The following ETF1 variants were observed in gnomAD, a reference collection of about 807,000 sequenced individuals.
ETF1 encodes eukaryotic peptide chain release factor subunit 1.
In ETF1, 4 loss-of-function variants were observed where a neutral mutation model predicts 55.1. The ratio of observed to expected loss-of-function variants is 0.07; its 90% confidence interval spans 0.04 to 0.17. The LOEUF (loss-of-function observed/expected upper bound fraction) is 0.17. Among genes scored for constraint, ETF1 ranks in the 10% least tolerant of loss-of-function variants. The probability of loss-of-function intolerance (pLI) is 1.00; values close to 1 mark genes in which losing one functional copy is unlikely to be tolerated. For synonymous variants in ETF1, 157 were observed against 182.3 expected, an observed-to-expected ratio of 0.86 and a Z score of 1.12; for missense variants, 142 against 523.6, an observed-to-expected ratio of 0.27 and a Z score of 7.11.
intron 2 of ETF1, among the ~76,000 whole-genome samples, chr5:138,533,307 T>C (rs1272694472): frequency 6.6e-6 from 1 of 151,972 alleles, no homozygotes; most frequent in Non-Finnish European, 1.5e-5. Flanking sequence ...GAAAAATGAA[T>C]AAATGGCCAA....
intron 4 of ETF1, among the ~76,000 whole-genome samples, chr5:138,514,384 T>C (rs1470123752): frequency 6.6e-6 from 1 of 151,994 alleles, no homozygotes; most frequent in African/African-American, 2.4e-5. Context: ...CGAAACACTG[T>C]CTCTACAAAA....
At position 138,511,138 on chromosome 5, in the gene ETF1, G is replaced by A. The variant is rs1764757430; in HGVS notation, c.925C>T (p.Leu309=). 1.2e-6 allele frequency: 2 copies of A among 1,613,906 alleles called. No homozygotes were observed. The highest frequency in any genetic ancestry group is 1.7e-6 in the Non-Finnish European group (2 of 1,179,970). The change falls in exon 8 of 11, where the codon CTA becomes TTA. Residue 309 remains leucine, a synonymous_variant. Coordinates refer to ENST00000360541, the MANE Select transcript of ETF1 (RefSeq NM_004730.4). ...ACAGCTCCCATTTCCAAAGCCTTTA[G>A]TGTATCTTCAACGCCAAAACAGTAC... ...GKYCFGVEDT[L]KALEMGAVEI...
intron 2 of ETF1, among the ~76,000 whole-genome samples, chr5:138,521,120 T>C (rs1765215223): frequency 6.6e-6 from 1 of 152,070 alleles, no homozygotes; most frequent in Non-Finnish European, 1.5e-5. Flanking sequence ...AAAAAAGTGG[T>C]GTGTGTGCAC....
chr5:138,508,914 C>T, intron 9 of ETF1, 98 bp from the exon 10 acceptor site: 2 of 1,510,120 alleles, frequency 1.3e-6, no homozygotes, highest in Non-Finnish European at 1.8e-6. Flanking sequence ...CACTCTCATC[C>T]TCCCATTTAT....
In ETF1 at chr5:138,539,731, T is replaced by A. The variant is rs187409134; in HGVS notation, c.86+3102A>T. 3.4e-3 allele frequency among the ~76,000 whole-genome samples: 520 copies of A among 152,308 alleles called. 5 individuals carry two copies. The highest frequency in any genetic ancestry group is 0.012 in the African/African-American group (488 of 41,566). On this transcript the variant is annotated intron_variant, in intron 2 of 10. Transcript: ENST00000360541. ...CCCCATTTTAGTAATGTGGCCTCTA[T>A]AAATGCTCTTCTACACACGTGTAAC...
In ETF1 at chr5:138,508,832, T is replaced by A. The variant is rs1449211047; in HGVS notation, c.1084-16A>T. ...CCTGTCCGGTCTACAGGGATGACCA[T>A]GAGATACAAAAATGGGGGATTAGGA... On this transcript the variant is annotated splice_polypyrimidine_tract_variant and intron_variant, in intron 9 of 10. Coordinates refer to ENST00000360541, the MANE Select transcript of ETF1 (RefSeq NM_004730.4). The A allele has an allele frequency of 6.2e-7, 1 of 1,606,900 alleles. No individual in the cohort carries two copies. Among genetic ancestry groups the A allele is most frequent in the South Asian group, 1.1e-5 (1 of 90,396 alleles).
intron 2 of ETF1, among the ~76,000 whole-genome samples, chr5:138,526,948 C>T (rs1428839313): frequency 6.6e-6 from 1 of 152,192 alleles, no homozygotes; most frequent in African/African-American, 2.4e-5. Flanking sequence ...GATCCGCCCA[C>T]CTCAGCCTCC....
In ETF1 at chr5:138,513,730, C is replaced by T. The variant is rs762542658; in HGVS notation, c.403-24G>A. 6 of 1,584,482 alleles carry T rather than the reference C, an allele frequency of 3.8e-6. No homozygotes were observed. In the East Asian group the frequency reaches 1.1e-4, roughly 30 times the overall value. ...GCCTGAAAAGCAAACACAAGTACCA[C>T]ACGGTGAATCCCAAAGCTTTGCTAA... On this transcript the variant is annotated intron_variant, in intron 4 of 10. Transcript: ENST00000360541.
intron 2 of ETF1, among the ~76,000 whole-genome samples, chr5:138,521,123 G>A (rs1448923761): frequency 1.3e-5 from 2 of 152,122 alleles, no homozygotes; most frequent in Non-Finnish European, 2.9e-5. Context: ...AAAGTGGTGT[G>A]TGTGCACAAT....
intron 2 of ETF1, among the ~76,000 whole-genome samples, chr5:138,530,354 C>A (rs1276881871): frequency 1.3e-5 from 2 of 151,858 alleles, no homozygotes; most frequent in Non-Finnish European, 2.9e-5. Flanking sequence ...TCTCGGCTCA[C>A]TGCAGCTTCT....
intron 2 of ETF1, among the ~76,000 whole-genome samples, chr5:138,535,428 G>C (rs1013551706): frequency 2.7e-5 from 4 of 150,164 alleles, no homozygotes; most frequent in African/African-American, 9.8e-5. Context: ...TTTAATAAAA[G>C]ATGAATTTCG....
At chr5:138,509,815 A>G (rs889856816) in intron 9 of ETF1, among the ~76,000 whole-genome samples, 10 of 145,458 alleles carry the variant, frequency 6.9e-5, no homozygotes, top group Non-Finnish European at 8.9e-5. Context: ...GAATTGCTTG[A>G]ACTCGGGAGG....
At position 138,534,653 on chromosome 5, in the gene ETF1, A is replaced by C. The variant is rs535524819; in HGVS notation, c.86+8180T>G. Among the ~76,000 whole-genome samples the C allele has an allele frequency of 5.9e-5, 9 of 152,312 alleles. No individual in the cohort carries two copies. The East Asian group carries it at 1.7e-3, about 29-fold the overall frequency. On this transcript the variant is annotated intron_variant, in intron 2 of 10. Coordinates refer to ENST00000360541, the MANE Select transcript of ETF1 (RefSeq NM_004730.4). ...CACCTGCTCCTCCTACTAAATTACA[A>C]ATCTCCATGGACAAGAGTCTTCCTT...
chr5:138,543,000 G>A lies in ETF1; in HGVS notation c.-18-64C>T, dbSNP rs914468211. On this transcript the variant is annotated intron_variant, in intron 1 of 10. Transcript: ENST00000360541. Reference sequence around the variant, plus strand: ...CAGAGTTAGCGCCGCCGCTGGGGCAGAGCGGCCCCCTTCCTCGCCATCCCC... The same window carrying A: ...CAGAGTTAGCGCCGCCGCTGGGGCAAAGCGGCCCCCTTCCTCGCCATCCCC... The A allele has an allele frequency of 2.8e-5, 41 of 1,471,454 alleles. No individual in the cohort carries two copies. In the Admixed American group the frequency reaches 6.7e-4, roughly 24 times the overall value. 91.1% of individuals were successfully genotyped at this position (1,471,454 alleles called of 1,614,324 possible).
intron 4 of ETF1, 122 bp downstream of exon 4, chr5:138,517,439 A>G (rs1165927263): frequency 8.8e-6 from 4 of 452,914 alleles, no homozygotes; most frequent in Non-Finnish European, 1.6e-5. Context: ...ATATCTATGG[A>G]AAGAAAATAT....
intron 2 of ETF1, chr5:138,541,763 T>G: frequency 4.7e-6 from 1 of 212,528 alleles, no homozygotes; most frequent in Non-Finnish European, 7.2e-6. Flanking sequence ...AACACTTTTT[T>G]TTGGGGGGGG....
chr5:138,508,557 A>G lies in ETF1; in HGVS notation c.1231+112T>C, dbSNP rs557278903. 11 of 1,558,078 alleles carry G rather than the reference A, an allele frequency of 7.1e-6. No homozygotes were observed. The South Asian group carries it at 1.4e-4, about 19-fold the overall frequency. On this transcript the variant is annotated intron_variant, in intron 10 of 10. Transcript: ENST00000360541. ...GGAACCTGCACCTGCTGCGTCAATC[A>G]CCTATCCCAGCAGATAATAAGCACC... is the stretch of plus-strand genomic sequence containing the variant.
rs71574422 is a variant in ETF1 at position 138,511,403 on chromosome 5, TACAC to T, written c.862+68_862+71del. ...AATCACGTACATACACACACACACA[TACAC>T]ACACACACACACACACACACACACA... On this transcript the variant is annotated intron_variant, in intron 7 of 10. Transcript: ENST00000360541. The T allele has an allele frequency of 2.3e-3, 2,184 of 966,856 alleles. 7 individuals carry two copies. In the African/African-American group the frequency reaches 0.023, roughly 10 times the overall value. 59.9% of individuals were successfully genotyped at this position (966,856 alleles called of 1,614,324 possible). A position where few individuals can be genotyped will look rare whatever the true frequency, so the allele number is the denominator to read the frequency against.
chr5:138,512,242 ATATATATATATATATATTT>A (rs1377680643), intron 6 of ETF1, among the ~76,000 whole-genome samples: 1 of 6,880 alleles, frequency 1.5e-4, no homozygotes, highest in African/African-American at 3.8e-4. Flanking sequence ...ATATATATAT[ATATATATATATATATATTT>A]TTTTTTTTTT....
Sources: allele counts gnomAD v4.1 joint callset (sites outside exome capture counted in the v4.1 genomes callset), GRCh38; gene constraint gnomAD v4.1.1; transcripts MANE v1.5; gene names NCBI Gene and HGNC (gene_info 2026-07-23, HGNC 2026-07-21).